ARHGEF6: variants seen among roughly 807,000 people sequenced by gnomAD.
ARHGEF6 encodes the protein rho guanine nucleotide exchange factor 6.
ARHGEF6 carries 9 observed loss-of-function variants against 70.3 expected under a neutral mutation model. The observed-to-expected ratio is 0.13, with a 90% CI of 0.08 to 0.22. The LOEUF (loss-of-function observed/expected upper bound fraction) is 0.22, where lower values mean the gene tolerates loss of function less well. Ranked by LOEUF, ARHGEF6 falls within the 10% of genes least tolerant of loss-of-function variation. ARHGEF6 has a pLI of 1.00. For missense variants in ARHGEF6, 470 were observed against 563.0 expected, an observed-to-expected ratio of 0.83 and a Z score of 1.67; for synonymous variants, 201 against 207.8, an observed-to-expected ratio of 0.97 and a Z score of 0.28.
chrX:136,668,763 C>T (rs1056492655), intron 21 of ARHGEF6, among the ~76,000 whole-genome samples: 3 of 109,411 alleles, frequency 2.7e-5, no homozygotes, highest in Non-Finnish European at 5.7e-5. Flanking sequence ...TCTCTCAACA[C>T]CCCAAACTTC....
chrX:136,737,467 C>CAAAA, intron 5 of ARHGEF6: 2 of 544,324 alleles, frequency 3.7e-6, no homozygotes, highest in Non-Finnish European at 4.2e-6. Flanking sequence ...AACTCCATCT[C>CAAAA]AAAAAAAAAA....
intron 2 of ARHGEF6, among the ~76,000 whole-genome samples, chrX:136,760,179 G>A (rs1309589576): frequency 8.9e-6 from 1 of 112,540 alleles, no homozygotes; most frequent in African/African-American, 3.2e-5. Flanking sequence ...TAAAAAACTG[G>A]TAAAGGGAGG....
chrX:136,682,874 A>G (rs765055551), intron 12 of ARHGEF6, 30 bp from the exon 13 acceptor site: 1 of 1,092,777 alleles, frequency 9.2e-7, no homozygotes, highest in African/African-American at 1.8e-5. Flanking sequence ...ATACATGAAG[A>G]ACAGAATTGG....
chrX:136,748,593 C>T (rs1445809699), intron 2 of ARHGEF6, among the ~76,000 whole-genome samples: 4 of 112,125 alleles, frequency 3.6e-5, no homozygotes, highest in Admixed American at 9.5e-5. Flanking sequence ...ACCAGATGCC[C>T]ACCTTCTGGA....
intron 6 of ARHGEF6, among the ~76,000 whole-genome samples, chrX:136,720,850 T>C (rs2076789165): frequency 8.9e-6 from 1 of 111,892 alleles, no homozygotes; most frequent in Non-Finnish European, 1.9e-5. Flanking sequence ...TTTTCCTTTA[T>C]ATCAGCAATA....
intron 18 of ARHGEF6, among the ~76,000 whole-genome samples, chrX:136,676,369 C>G (rs2076281821): frequency 8.9e-6 from 1 of 112,061 alleles, no homozygotes; most frequent in African/African-American, 3.2e-5. Flanking sequence ...GGTTCTAAAC[C>G]AGGTGAGGCA....
intron 2 of ARHGEF6, chrX:136,767,085 C>T: frequency 1.3e-6 from 1 of 750,943 alleles, no homozygotes; most frequent in African/African-American, 2.3e-5. Flanking sequence ...CTTCGGCACC[C>T]ACCCCCGGGC....
intron 2 of ARHGEF6, among the ~76,000 whole-genome samples, chrX:136,754,997 C>A (rs750532331): frequency 9.0e-6 from 1 of 111,719 alleles, no homozygotes; most frequent in Non-Finnish European, 1.9e-5. Flanking sequence ...AATTGGAATG[C>A]GGAACACATT....
At chrX:136,729,490 AAAG>A (rs2076911600) in intron 6 of ARHGEF6, among the ~76,000 whole-genome samples, 1 of 102,502 alleles carries the variant, frequency 9.8e-6, no homozygotes, top group South Asian at 4.5e-4. Flanking sequence ...AAAAAAAAAA[AAAG>A]AACAGGTCTG....
intron 2 of ARHGEF6, chrX:136,767,035 G>C: frequency 2.9e-6 from 2 of 685,267 alleles, no homozygotes; most frequent in South Asian, 7.4e-5. Context: ...TGCGAGCCAC[G>C]GCAGTGGGGA....
chrX:136,685,893 A>C (rs2076381062), intron 11 of ARHGEF6, 70 bp from the exon 12 acceptor site: 1 of 1,114,402 alleles, frequency 9.0e-7, no homozygotes, highest in African/African-American at 1.8e-5. Flanking sequence ...GACCAAAGTA[A>C]GATGTGGCTT....
intron 7 of ARHGEF6, among the ~76,000 whole-genome samples, 166 bp downstream of exon 7, chrX:136,713,110 A>G (rs2076703882): frequency 9.0e-6 from 1 of 111,514 alleles, no homozygotes; most frequent in Admixed American, 9.5e-5. Context: ...TCCAAAAGCA[A>G]TATCTTGCAT....
chrX:136,754,299 C>T (rs1024868122), intron 2 of ARHGEF6, among the ~76,000 whole-genome samples: 1 of 111,338 alleles, frequency 9.0e-6, no homozygotes, highest in African/African-American at 3.3e-5. Context: ...AAGAGAACAA[C>T]TGATGGCTGG....
intron 6 of ARHGEF6, among the ~76,000 whole-genome samples, chrX:136,727,394 T>TC (rs1491418119): frequency 1.8e-3 from 124 of 69,533 alleles, no homozygotes; most frequent in Admixed American, 3.3e-3. Context: ...TCTTTCTTTC[T>TC]TTCTCTCTCT....
chrX:136,743,501 C>T, intron 5 of ARHGEF6, 84 bp downstream of exon 5: 1 of 995,385 alleles, frequency 1.0e-6, no homozygotes, highest in African/African-American at 1.9e-5. Flanking sequence ...TTCTGTTAAC[C>T]AATTAAAACT....
intron 10 of ARHGEF6, among the ~76,000 whole-genome samples, 182 bp from the exon 11 acceptor site, chrX:136,688,173 T>C (rs112032815): frequency 9.0e-6 from 1 of 111,280 alleles, no homozygotes; most frequent in African/African-American, 3.3e-5. Context: ...TGAAAACTCA[T>C]AGAACTGTGC....
intron 11 of ARHGEF6, 31 bp downstream of exon 11, chrX:136,687,901 T>C: frequency 8.6e-7 from 1 of 1,156,814 alleles, no homozygotes; most frequent in Admixed American, 2.2e-5. Flanking sequence ...GTATACAAAA[T>C]GGAGAATTGT....
chrX:136,703,873 C>T (rs2076601061), intron 9 of ARHGEF6, among the ~76,000 whole-genome samples: 1 of 112,648 alleles, frequency 8.9e-6, no homozygotes, highest in Admixed American at 9.4e-5. Context: ...AGACATGATG[C>T]TATTGCACAC....
At chrX:136,720,084 C>A (rs777115903) in intron 6 of ARHGEF6, among the ~76,000 whole-genome samples, 8 of 111,967 alleles carry the variant, frequency 7.1e-5, no homozygotes, top group African/African-American at 2.3e-4. Context: ...TATATCAATT[C>A]TTTACAATCT....
Sources: allele counts gnomAD v4.1 joint callset (sites outside exome capture counted in the v4.1 genomes callset), GRCh38; gene constraint gnomAD v4.1.1; transcripts MANE v1.5; gene names NCBI Gene and HGNC (gene_info 2026-07-23, HGNC 2026-07-21).